KCNQ3: variants seen among roughly 807,000 people sequenced by gnomAD.
KCNQ3 encodes the protein potassium voltage-gated channel subfamily KQT member 3.
KCNQ3 carries 30 observed loss-of-function variants against 92.5 expected under a neutral mutation model. That is an observed-to-expected ratio of 0.32 (90% CI 0.24 to 0.44). KCNQ3 has a LOEUF of 0.44. KCNQ3 is among the 20% of genes least tolerant of loss of function. The pLI is 1.00. For missense variants in KCNQ3, 913 were observed against 1,140.3 expected, an observed-to-expected ratio of 0.80 and a Z score of 2.87; for synonymous variants, 450 against 468.8, an observed-to-expected ratio of 0.96 and a Z score of 0.52.
At chr8:132,422,754 C>G (rs1821008527) in intron 1 of KCNQ3, among the ~76,000 whole-genome samples, 1 of 152,178 alleles carries the variant, frequency 6.6e-6, no homozygotes, top group African/African-American at 2.4e-5. Context: ...TGTCCATTTA[C>G]TTGTCTGTCT....
rs143843069 is a variant in KCNQ3 at position 132,209,971 on chromosome 8, G to A, written c.387-23790C>T. ...TTCTATCTGTATAAGAGTCATGACTGCATCTTTTCTAGAAAATTTTATTTT... is the reference window on the plus strand; with the variant it reads ...TTCTATCTGTATAAGAGTCATGACTACATCTTTTCTAGAAAATTTTATTTT... On this transcript the variant is annotated intron_variant, in intron 1 of 14. Transcript: ENST00000388996. Among the ~76,000 whole-genome samples the A allele has an allele frequency of 2.6e-3, 399 of 152,276 alleles. 2 individuals carry two copies. Among genetic ancestry groups the A allele is most frequent in the African/African-American group, 9.2e-3 (384 of 41,574 alleles).
chr8:132,363,673 CTT>C (rs1819233950), intron 1 of KCNQ3, among the ~76,000 whole-genome samples: 1 of 151,952 alleles, frequency 6.6e-6, no homozygotes, highest in Non-Finnish European at 1.5e-5. Context: ...TGGATGCCAT[CTT>C]TTAGCCCACA....
chr8:132,475,980 T>A (rs1822401825), intron 1 of KCNQ3, among the ~76,000 whole-genome samples: 1 of 152,232 alleles, frequency 6.6e-6, no homozygotes, highest in African/African-American at 2.4e-5. Context: ...GCTGCTGGAC[T>A]TGGTGCCCTG....
intron 9 of KCNQ3, among the ~76,000 whole-genome samples, chr8:132,163,134 C>T (rs1826040742): frequency 6.6e-6 from 1 of 152,282 alleles, no homozygotes; most frequent in South Asian, 2.1e-4. Context: ...CTCAACCCAA[C>T]CTCTCTGAGC....
chr8:132,206,813 G>T (rs1369775142), intron 1 of KCNQ3, among the ~76,000 whole-genome samples: 2 of 151,470 alleles, frequency 1.3e-5, no homozygotes, highest in Non-Finnish European at 2.9e-5. Flanking sequence ...TCGATCTTTT[G>T]TGTTATTTTT....
intron 1 of KCNQ3, among the ~76,000 whole-genome samples, chr8:132,303,581 G>GATATATATATATA (rs1563849732): frequency 1.0e-4 from 2 of 19,580 alleles, no homozygotes; most frequent in African/African-American, 2.3e-4. Flanking sequence ...TATATATATG[G>GATATATATATATA]TGTGTGTGTA....
At chr8:132,233,694 G>A (rs1315103204) in intron 1 of KCNQ3, among the ~76,000 whole-genome samples, 13 of 152,116 alleles carry the variant, frequency 8.5e-5, no homozygotes, top group Non-Finnish European at 1.5e-5. Context: ...TTTCTTCACT[G>A]CTTAAGACAG....
intron 12 of KCNQ3, among the ~76,000 whole-genome samples, chr8:132,135,434 C>A (rs1825050898): frequency 6.6e-6 from 1 of 152,034 alleles, no homozygotes; most frequent in African/African-American, 2.4e-5. Context: ...ACAGTCATGG[C>A]TCCTTCCGTC....
intron 1 of KCNQ3, among the ~76,000 whole-genome samples, chr8:132,374,974 G>A (rs1300471329): frequency 1.3e-5 from 2 of 152,164 alleles, no homozygotes; most frequent in African/African-American, 4.8e-5. Flanking sequence ...TGTGAATAGG[G>A]CTGCAGTGAA....
rs17574595 is a variant in KCNQ3 at position 132,144,158 on chromosome 8, C to T, written c.1263-2827G>A. 7.4e-3 allele frequency among the ~76,000 whole-genome samples: 1,129 copies of T among 152,316 alleles called. 11 individuals are homozygous for T. Among genetic ancestry groups the T allele is most frequent in the Non-Finnish European group, 0.011 (730 of 68,034 alleles). On this transcript the variant is annotated intron_variant, in intron 9 of 14. Coordinates refer to ENST00000388996, the MANE Select transcript of KCNQ3 (RefSeq NM_004519.4). ...CAAACGGTCTGGATTGTTTTGGCCA[C>T]GTTCACTTAAAACGCCATTGGTCAC...
At chr8:132,408,721 G>C (rs1433007728) in intron 1 of KCNQ3, among the ~76,000 whole-genome samples, 1 of 152,224 alleles carries the variant, frequency 6.6e-6, no homozygotes, top group Non-Finnish European at 1.5e-5. Context: ...AGGTCAGAGA[G>C]TCAAAACGTT....
chr8:132,169,568 G>A (rs973637106), intron 8 of KCNQ3, among the ~76,000 whole-genome samples: 1 of 152,212 alleles, frequency 6.6e-6, no homozygotes, highest in Non-Finnish European at 1.5e-5. Flanking sequence ...CTGGAGTCCA[G>A]AGTAGTCTGT....
chr8:132,323,308 G>C (rs907619714), intron 1 of KCNQ3, among the ~76,000 whole-genome samples: 1 of 152,194 alleles, frequency 6.6e-6, no homozygotes, highest in Non-Finnish European at 1.5e-5. Context: ...TTGCAGGCCA[G>C]ATCCAACCAA....
intron 1 of KCNQ3, among the ~76,000 whole-genome samples, chr8:132,259,963 C>T (rs1815721432): frequency 6.6e-6 from 1 of 152,060 alleles, no homozygotes; most frequent in South Asian, 2.1e-4. Context: ...AGGCTTGTAC[C>T]TGACAACTAC....
intron 1 of KCNQ3, among the ~76,000 whole-genome samples, chr8:132,304,980 A>T (rs1817372641): frequency 6.6e-6 from 1 of 152,160 alleles, no homozygotes; most frequent in Non-Finnish European, 1.5e-5. Flanking sequence ...AAAGGCAGGC[A>T]GGCCAATAAG....
intron 1 of KCNQ3, among the ~76,000 whole-genome samples, chr8:132,221,604 T>C (rs1376744968): frequency 6.6e-6 from 1 of 152,250 alleles, no homozygotes; most frequent in Non-Finnish European, 1.5e-5. Flanking sequence ...GTTGCCTGCA[T>C]AAATGTCTTC....
chr8:132,262,411 AC>A (rs1174387861), intron 1 of KCNQ3, among the ~76,000 whole-genome samples: 13 of 152,350 alleles, frequency 8.5e-5, no homozygotes, highest in Admixed American at 7.8e-4. Flanking sequence ...GATGTAAAAA[AC>A]AAATGTAAAG....
intron 1 of KCNQ3, among the ~76,000 whole-genome samples, chr8:132,330,799 G>A (rs1055045958): frequency 5.3e-5 from 8 of 152,136 alleles, no homozygotes; most frequent in African/African-American, 1.7e-4. Flanking sequence ...CAGCTGTCAG[G>A]CCACCTCAGC....
intron 1 of KCNQ3, among the ~76,000 whole-genome samples, chr8:132,290,477 T>A (rs1343680495): frequency 6.6e-6 from 1 of 152,108 alleles, no homozygotes; most frequent in African/African-American, 2.4e-5. Flanking sequence ...ATGGATTACT[T>A]TGGTTGCAGC....
Sources: allele counts gnomAD v4.1 joint callset (sites outside exome capture counted in the v4.1 genomes callset), GRCh38; gene constraint gnomAD v4.1.1; transcripts MANE v1.5; gene names NCBI Gene and HGNC (gene_info 2026-07-23, HGNC 2026-07-21).